CSMD3: variants seen among roughly 807,000 people sequenced by gnomAD.
CSMD3 encodes the protein CUB and Sushi multiple domains 3.
In CSMD3, 177 loss-of-function variants were observed where a neutral mutation model predicts 435.2. The ratio of observed to expected loss-of-function variants is 0.41; its 90% CI spans 0.36 to 0.46. The LOEUF (loss-of-function observed/expected upper bound fraction) is 0.46. Ranked by LOEUF, CSMD3 falls within the 20% of genes least tolerant of loss-of-function variation. CSMD3 has a pLI of 0.34. For missense variants in CSMD3, 4,265 were observed against 4,504.6 expected, an observed-to-expected ratio of 0.95 and a Z score of 1.52; for synonymous variants, 1,656 against 1,520.5, an observed-to-expected ratio of 1.09 and a Z score of -2.07.
At chr8:112,647,596 G>C (rs1466722714) in intron 19 of CSMD3, among the ~76,000 whole-genome samples, 1 of 152,050 alleles carries the variant, frequency 6.6e-6, no homozygotes, top group Non-Finnish European at 1.5e-5. Context: ...GTAAGCCACC[G>C]CACCAGGCCT....
In CSMD3 at chr8:113,289,035, T is replaced by C. The variant is rs141818399; in HGVS notation, c.402-10331A>G. Among the ~76,000 whole-genome samples, 832 of 151,932 alleles carry C rather than the reference T, an allele frequency of 5.5e-3. 2 individuals carry two copies. Among genetic ancestry groups the C allele is most frequent in the Non-Finnish European group, 8.3e-3 (564 of 67,774 alleles). On this transcript the variant is annotated intron_variant, in intron 2 of 70. Transcript: ENST00000297405. Reference sequence around the variant, plus strand: ...GTGATAACTCTGGAGCTGGACTACCTGGAGTAAATCTCAGTGATTCCATTT... The same window carrying C: ...GTGATAACTCTGGAGCTGGACTACCCGGAGTAAATCTCAGTGATTCCATTT...
At chr8:112,688,573 G>C (rs1294532453) in intron 14 of CSMD3, among the ~76,000 whole-genome samples, 2 of 151,908 alleles carry the variant, frequency 1.3e-5, no homozygotes, top group African/African-American at 4.8e-5. Flanking sequence ...GCTTCTATCT[G>C]TATTTCGTTC....
chr8:113,167,597 T>C (rs2092178449), intron 4 of CSMD3, among the ~76,000 whole-genome samples: 1 of 152,186 alleles, frequency 6.6e-6, no homozygotes, highest in Non-Finnish European at 1.5e-5. Context: ...ATAGGGCTAT[T>C]GAGTGTTGAT....
At chr8:113,405,315 C>A (rs2094527773) in intron 1 of CSMD3, among the ~76,000 whole-genome samples, 1 of 151,440 alleles carries the variant, frequency 6.6e-6, no homozygotes, top group Non-Finnish European at 1.5e-5. Context: ...ACATCTCTGT[C>A]ATTTGAGAAG....
intron 70 of CSMD3, among the ~76,000 whole-genome samples, chr8:112,226,480 G>C (rs537783856): frequency 6.6e-5 from 10 of 152,066 alleles, no homozygotes; most frequent in Admixed American, 1.3e-4. Flanking sequence ...AAACTCTTAG[G>C]AAAAACACAT....
chr8:113,004,181 A>G (rs1459193054), intron 6 of CSMD3, among the ~76,000 whole-genome samples: 3 of 151,994 alleles, frequency 2.0e-5, no homozygotes, highest in Non-Finnish European at 4.4e-5. Flanking sequence ...ACAAAATATT[A>G]AGGACTACAA....
At chr8:112,871,034 A>G (rs1413169948) in intron 10 of CSMD3, among the ~76,000 whole-genome samples, 2 of 152,176 alleles carry the variant, frequency 1.3e-5, no homozygotes, top group South Asian at 2.1e-4. Flanking sequence ...AACTCATTTT[A>G]GCCAAATCAA....
intron 1 of CSMD3, among the ~76,000 whole-genome samples, chr8:113,346,334 T>C (rs1250422281): frequency 6.6e-6 from 1 of 152,060 alleles, no homozygotes; most frequent in East Asian, 1.9e-4. Flanking sequence ...TGATAAGAAA[T>C]GCAAACCTAA....
At chr8:113,180,815 C>T (rs1478096488) in intron 3 of CSMD3, among the ~76,000 whole-genome samples, 1 of 151,960 alleles carries the variant, frequency 6.6e-6, no homozygotes, top group Non-Finnish European at 1.5e-5. Flanking sequence ...TGATTCAATT[C>T]TGTTTCTATG....
intron 13 of CSMD3, among the ~76,000 whole-genome samples, chr8:112,704,874 T>C (rs2131891585): frequency 6.6e-6 from 1 of 152,226 alleles, no homozygotes; most frequent in South Asian, 2.1e-4. Context: ...GAGCTAATGC[T>C]CTAACATAAT....
At chr8:112,291,463 G>T in intron 56 of CSMD3, 47 bp downstream of exon 56, 1 of 1,241,544 alleles carries the variant, frequency 8.1e-7, no homozygotes, top group South Asian at 1.2e-5. Flanking sequence ...ACATTCCTAT[G>T]GTTTCCATGA....
At chr8:112,904,662 T>C (rs991914482) in intron 10 of CSMD3, among the ~76,000 whole-genome samples, 1 of 151,330 alleles carries the variant, frequency 6.6e-6, no homozygotes, top group African/African-American at 2.4e-5. Flanking sequence ...TGATCAATGA[T>C]GCCACCTCGG....
At chr8:112,743,163 A>G (rs561021408) in intron 13 of CSMD3, among the ~76,000 whole-genome samples, 1 of 152,178 alleles carries the variant, frequency 6.6e-6, no homozygotes, top group Admixed American at 6.6e-5. Flanking sequence ...TGAAAGAAAA[A>G]ATAAAAATGA....
At position 112,796,851 on chromosome 8, in the gene CSMD3, T is replaced by C. The variant is rs369046372; in HGVS notation, c.1972+3311A>G. ...TTTGTTACATCTACAAGGATGTTAC[T>C]GATTTTTAAAAGTTAGGAATATCAT... On this transcript the variant is annotated intron_variant, in intron 13 of 70. Coordinates refer to ENST00000297405, the MANE Select transcript of CSMD3 (RefSeq NM_198123.2). Among the ~76,000 whole-genome samples the C allele has an allele frequency of 7.2e-5, 11 of 152,158 alleles. No individual in the cohort carries two copies. The East Asian group carries it at 2.1e-3, about 29-fold the overall frequency.
At chr8:112,690,110 T>C (rs1360645700) in intron 13 of CSMD3, 60 bp from the exon 14 acceptor site, 11 of 1,213,280 alleles carry the variant, frequency 9.1e-6, no homozygotes, top group East Asian at 2.3e-5. Context: ...ATACCCATAA[T>C]ACAAGTTAGG....
intron 13 of CSMD3, among the ~76,000 whole-genome samples, chr8:112,700,693 A>AC (rs2076371285): frequency 6.6e-6 from 1 of 152,070 alleles, no homozygotes; most frequent in African/African-American, 2.4e-5. Context: ...GGACAGAACA[A>AC]CCATGGTAAC....
At chr8:112,722,069 T>C (rs2076869963) in intron 13 of CSMD3, among the ~76,000 whole-genome samples, 1 of 151,808 alleles carries the variant, frequency 6.6e-6, no homozygotes, top group Admixed American at 6.6e-5. Context: ...AAAAAATCCA[T>C]ACATAAGGCT....
intron 3 of CSMD3, among the ~76,000 whole-genome samples, chr8:113,211,171 A>T (rs546080602): frequency 6.6e-6 from 1 of 152,312 alleles, no homozygotes; most frequent in East Asian, 1.9e-4. Flanking sequence ...ACACAAAATT[A>T]TATGTAAATT....
intron 7 of CSMD3, among the ~76,000 whole-genome samples, chr8:112,966,455 A>C (rs548013107): frequency 6.7e-6 from 1 of 149,484 alleles, no homozygotes; most frequent in Non-Finnish European, 1.5e-5. Context: ...TTTTCTCTTT[A>C]TTTTCTTTTC....
Sources: allele counts gnomAD v4.1 joint callset (sites outside exome capture counted in the v4.1 genomes callset), GRCh38; gene constraint gnomAD v4.1.1; transcripts MANE v1.5; gene names NCBI Gene and HGNC (gene_info 2026-07-23, HGNC 2026-07-21).